CACNA1C: variants seen among roughly 807,000 people sequenced by gnomAD.
CACNA1C encodes the protein voltage-dependent L-type calcium channel subunit alpha-1C.
CACNA1C carries 30 observed loss-of-function variants against 229.0 expected under a neutral mutation model. That is an observed-to-expected ratio of 0.13 (90% CI 0.10 to 0.18). CACNA1C has a LOEUF of 0.18. Ranked by LOEUF, CACNA1C falls within the 10% of genes least tolerant of loss-of-function variation. CACNA1C has a pLI of 1.00. For missense variants in CACNA1C, 1,658 were observed against 2,845.0 expected, an observed-to-expected ratio of 0.58 and a Z score of 9.49; for synonymous variants, 1,114 against 1,132.5, an observed-to-expected ratio of 0.98 and a Z score of 0.33.
intron 34 of CACNA1C, among the ~76,000 whole-genome samples, chr12:2,658,871 G>C (rs919350638): frequency 1.3e-5 from 2 of 151,134 alleles, no homozygotes; most frequent in Non-Finnish European, 2.9e-5. Context: ...AAAAAAAAAA[G>C]TTCAATATTA....
chr12:2,102,137 T>A (rs2076661432), intron 1 of CACNA1C, among the ~76,000 whole-genome samples: 1 of 152,192 alleles, frequency 6.6e-6, no homozygotes, highest in African/African-American at 2.4e-5. Flanking sequence ...ATTTAACCAA[T>A]GATAATAGAT....
rs1289869721 is a variant in CACNA1C at position 1,996,653 on chromosome 12, AAAC to A, written c.139+25458_139+25460del. Among the ~76,000 whole-genome samples the A allele has an allele frequency of 1.5e-3, 55 of 36,664 alleles. 8 individuals carry two copies. Among genetic ancestry groups the A allele is most frequent in the African/African-American group, 9.4e-3 (53 of 5,612 alleles). The allele number at this position is 36,664 out of a possible 152,430, so 24.1% of individuals were successfully genotyped here. ...AAAAAAAAAAAAAAAAAAAAAAAAA[AAAC>A]AACAAACTCTTCTAATGTTTTAAAG... On this transcript the variant is annotated intron_variant, in intron 1 of 46. Transcript: ENST00000682462.
rs2092458518 is a variant in CACNA1C, at chr12:2,285,298, A to AGT, written c.478-163676_478-163675dup. Among the ~76,000 whole-genome samples, 1 of 152,236 alleles carries AGT rather than the reference A, an allele frequency of 6.6e-6. No individual in the cohort carries two copies. The highest frequency in any genetic ancestry group is 2.4e-5 in the African/African-American group (1 of 41,462). On this transcript the variant is annotated intron_variant, in intron 3 of 46. Transcript: ENST00000399655. The surrounding 1 kb of genome is among the most constrained non-coding windows in gnomAD (Gnocchi z 4.2). Reference sequence around the variant, plus strand: ...ACATTGATAACTTGAAATGGGCAGTAGTGGGAACATTTACACCACAAAAAC... The same window carrying AGT: ...ACATTGATAACTTGAAATGGGCAGTAGTGTGGGAACATTTACACCACAAAAAC...
At chr12:2,303,659 G>A (rs1003690480) in intron 3 of CACNA1C, among the ~76,000 whole-genome samples, 1 of 152,184 alleles carries the variant, frequency 6.6e-6, no homozygotes, top group African/African-American at 2.4e-5. Flanking sequence ...ATTCTGAGGT[G>A]CTAGGGGTGA....
At chr12:2,430,073 C>T (rs750888276) in intron 3 of CACNA1C, among the ~76,000 whole-genome samples, 4 of 152,206 alleles carry the variant, frequency 2.6e-5, no homozygotes, top group East Asian at 1.9e-4. Flanking sequence ...AGGGCTCATT[C>T]GTGGATGGCT....
rs78683530 is a variant in CACNA1C at position 2,285,769 on chromosome 12, G to A, written c.478-163207G>A. Among the ~76,000 whole-genome samples the A allele has an allele frequency of 0.043, 6,566 of 152,200 alleles. 177 individuals carry two copies. The highest frequency in any genetic ancestry group is 0.065 in the Middle Eastern group (19 of 294). ...TAACGTGCTCATTCGAGAGAGGCTG[G>A]TGCGCACCTACCCAGCGGCTTTTTG... On this transcript the variant is annotated intron_variant, in intron 3 of 46. Transcript: ENST00000399655. The surrounding 1 kb of genome is among the most constrained non-coding windows in gnomAD (Gnocchi z 4.2).
chr12:2,255,610 C>G (rs1243151035), intron 3 of CACNA1C, among the ~76,000 whole-genome samples: 1 of 152,194 alleles, frequency 6.6e-6, no homozygotes, highest in African/African-American at 2.4e-5. Flanking sequence ...AAGTGTGTGA[C>G]AGTAAGCTGG....
intron 2 of CACNA1C, among the ~76,000 whole-genome samples, chr12:2,117,142 ATGCCAGTAATTCCAGC>A (rs1455583328): frequency 6.6e-6 from 1 of 152,190 alleles, no homozygotes; most frequent in East Asian, 1.9e-4. Flanking sequence ...GTTGGGGCAC[ATGCCAGTAATTCCAGC>A]TGCTCGGGAG....
intron 13 of CACNA1C, among the ~76,000 whole-genome samples, chr12:2,572,578 C>T (rs1406195965): frequency 5.5e-5 from 2 of 36,280 alleles, no homozygotes; most frequent in Non-Finnish European, 1.1e-4. Flanking sequence ...CCTCCTTCTC[C>T]TCTCCTCCTC....
At chr12:2,322,466 C>T (rs149193215) in intron 3 of CACNA1C, among the ~76,000 whole-genome samples, 9 of 152,308 alleles carry the variant, frequency 5.9e-5, no homozygotes, top group Non-Finnish European at 1.0e-4. Context: ...GCATGTGTGG[C>T]GCTGTACAGT....
At chr12:2,303,369 C>A (rs1039797611) in intron 3 of CACNA1C, among the ~76,000 whole-genome samples, 3 of 152,158 alleles carry the variant, frequency 2.0e-5, no homozygotes, top group Non-Finnish European at 2.9e-5. Flanking sequence ...CACATGGTAT[C>A]CCTCTGTGCG....
At chr12:2,206,826 TC>T (rs1182185810) in intron 3 of CACNA1C, among the ~76,000 whole-genome samples, 3 of 152,206 alleles carry the variant, frequency 2.0e-5, no homozygotes, top group African/African-American at 7.2e-5. Context: ...CTGCAGACCA[TC>T]TCCCACATGA....
chr12:2,665,808 C>G lies in CACNA1C; in HGVS notation c.4526+100C>G, dbSNP rs900511192. The stretch of plus-strand genomic sequence containing the variant: ...CAAGGTTGGCCAACACTGGGTGGAT[C>G]AATTAGAAACACTGGATTGTATCAC... On this transcript the variant is annotated intron_variant, in intron 36 of 46. Transcript: ENST00000399655. The surrounding 1 kb of genome is among the most constrained non-coding windows in gnomAD (Gnocchi z 5.9). 2.6e-6 allele frequency: 3 copies of G among 1,152,380 alleles called. No homozygotes were observed. The highest frequency in any genetic ancestry group is 3.6e-6 in the Non-Finnish European group (3 of 828,176). The allele number at this position is 1,152,380 out of a possible 1,614,324, so 71.4% of individuals were successfully genotyped here. A position where few individuals can be genotyped will look rare whatever the true frequency, so the allele number is the denominator to read the frequency against.
intron 3 of CACNA1C, among the ~76,000 whole-genome samples, chr12:2,229,274 C>G (rs1033469613): frequency 3.9e-5 from 6 of 152,192 alleles, no homozygotes; most frequent in African/African-American, 1.4e-4. Context: ...AGAGTGCAGG[C>G]TTGATACAGG....
At chr12:2,065,090 C>T (rs1048851692) in intron 1 of CACNA1C, among the ~76,000 whole-genome samples, 1 of 152,186 alleles carries the variant, frequency 6.6e-6, no homozygotes, top group Admixed American at 6.5e-5. Context: ...GCCTCTGGGC[C>T]GCTGTGCAGA....
At chr12:2,055,477 T>G (rs2154507926) in intron 1 of CACNA1C, among the ~76,000 whole-genome samples, 1 of 152,350 alleles carries the variant, frequency 6.6e-6, no homozygotes, top group South Asian at 2.1e-4. Flanking sequence ...AGGTCTCCTC[T>G]TAGTGCAGGA....
At chr12:2,307,902 A>G (rs2095171053) in intron 3 of CACNA1C, among the ~76,000 whole-genome samples, 2 of 152,200 alleles carry the variant, frequency 1.3e-5, no homozygotes, top group African/African-American at 4.8e-5. Flanking sequence ...GCTACTCTTC[A>G]TGGACTTATT....
intron 3 of CACNA1C, among the ~76,000 whole-genome samples, chr12:2,400,764 A>C (rs7308786): frequency 0.99 from 150,152 of 152,244 alleles, 74,049 homozygotes; most frequent in East Asian, 1. Context: ...CACTGAGTGC[A>C]CGGCCCTGAC....
rs2099698016 is a variant in CACNA1C at position 2,486,478 on chromosome 12, CA to C, written c.916+219del. On this transcript the variant is annotated intron_variant, in intron 6 of 46. Transcript: ENST00000399655. The surrounding 1 kb of genome is among the most constrained non-coding windows in gnomAD (Gnocchi z 4.9). ...TAATCTCTGTTAAACCGGCCTAACG[CA>C]AACTTCGTTCAGCACTTTTCAATAA... Among the ~76,000 whole-genome samples, 1 of 152,214 alleles carries C rather than the reference CA, an allele frequency of 6.6e-6. No individual in the cohort carries two copies.
Sources: allele counts gnomAD v4.1 joint callset (sites outside exome capture counted in the v4.1 genomes callset), GRCh38; gene constraint gnomAD v4.1.1; non-coding constraint Gnocchi (gnomAD v3.1); transcripts MANE v1.5; gene names NCBI Gene and HGNC (gene_info 2026-07-23, HGNC 2026-07-21).